DNAJC25: variants seen among roughly 807,000 people sequenced by gnomAD.
The protein encoded by DNAJC25 is DnaJ heat shock protein family (Hsp40) member C25.
Under a neutral mutation model 42.1 loss-of-function variants are expected in DNAJC25, and 26 were observed. That is an observed-to-expected ratio of 0.62 (90% CI 0.45 to 0.86). The LOEUF (loss-of-function observed/expected upper bound fraction) is 0.86. DNAJC25 is among the 40% of genes least tolerant of loss of function. The pLI, the probability that DNAJC25 is intolerant of heterozygous loss-of-function variation, is 0.00. For missense variants in DNAJC25, 404 were observed against 459.4 expected (o/e 0.88, Z 1.10); for synonymous variants, 189 against 179.9 (o/e 1.05, Z -0.40).
At chr9:111,648,972 T>C (rs891717125) in intron 2 of DNAJC25, among the ~76,000 whole-genome samples, 2 of 152,196 alleles carry the variant, frequency 1.3e-5, no homozygotes, top group South Asian at 2.1e-4. Flanking sequence ...TATATGCAGA[T>C]TGGCTTAGGA....
At chr9:111,634,495 G>A (rs923874531) in intron 1 of DNAJC25, among the ~76,000 whole-genome samples, 3 of 152,208 alleles carry the variant, frequency 2.0e-5, no homozygotes, top group African/African-American at 7.2e-5. Context: ...TGTAAAAAGG[G>A]TTTGTGAAGG....
rs573770681 is a variant in DNAJC25, at chr9:111,646,725, G to C, written c.337-382G>C. Among the ~76,000 whole-genome samples the C allele has an allele frequency of 2.6e-5, 4 of 152,142 alleles. No individual in the cohort carries two copies. The East Asian group carries it at 7.7e-4, about 29-fold the overall frequency. ...CAGAAAACTATCTATACAAGGCTGG[G>C]ACGTGATTGTGAATATATACAAGAA... On this transcript the variant is annotated intron_variant, in intron 1 of 3. Transcript: ENST00000313525.
At chr9:111,646,536 T>A (rs959827497) in intron 1 of DNAJC25, among the ~76,000 whole-genome samples, 2 of 152,214 alleles carry the variant, frequency 1.3e-5, no homozygotes, top group African/African-American at 4.8e-5. Flanking sequence ...TTAGCTCTTT[T>A]TGTGAATGAA....
In DNAJC25 at chr9:111,631,359, T is replaced by C. The variant is rs1487763689; in HGVS notation, c.-49T>C. 3.2e-6 allele frequency: 4 copies of C among 1,256,262 alleles called. No homozygotes were observed. The highest frequency in any genetic ancestry group is 4.0e-6 in the Non-Finnish European group (4 of 1,004,062). 77.8% of individuals were successfully genotyped at this position (1,256,262 alleles called of 1,614,324 possible). The stretch of plus-strand genomic sequence containing the variant: ...AGACGGGACTAGCCGGGCGCGCGGC[T>C]GAGTGCTGCAGAATCGCTGGGGTGG... On this transcript the variant is annotated 5_prime_UTR_variant, in exon 1 of 4. Coordinates refer to ENST00000313525, the MANE Select transcript of DNAJC25 (RefSeq NM_001015882.3).
intron 3 of DNAJC25, among the ~76,000 whole-genome samples, chr9:111,650,783 A>G (rs1358138932): frequency 6.6e-6 from 1 of 152,196 alleles, no homozygotes; most frequent in Non-Finnish European, 1.5e-5. Flanking sequence ...GGCATCAGCC[A>G]CTGCACCCAG....
chr9:111,646,683 C>T (rs4979018), intron 1 of DNAJC25, among the ~76,000 whole-genome samples: 17,440 of 151,984 alleles, frequency 0.11, 1,418 homozygotes, highest in African/African-American at 0.21. Flanking sequence ...CTGGCTTCAC[C>T]TAGTTTTTGC....
Position 111,653,290 on chromosome 9 carries a change from A to G in DNAJC25, c.*68A>G. The G allele has an allele frequency of 7.1e-7, 1 of 1,400,168 alleles. No individual in the cohort carries two copies. The highest frequency in any genetic ancestry group is 9.4e-7 in the Non-Finnish European group (1 of 1,066,346). 86.7% of individuals were successfully genotyped at this position (1,400,168 alleles called of 1,614,324 possible). ...TATTTTCATAACTGAATTATTTTAG[A>G]AATGTATCAATTGACTGCTGCTCAG... On this transcript the variant is annotated 3_prime_UTR_variant, in exon 4 of 4. Coordinates refer to ENST00000313525, the MANE Select transcript of DNAJC25 (RefSeq NM_001015882.3).
rs1461713019 is a variant in DNAJC25, at chr9:111,653,805, AT to A, written c.*585del. On this transcript the variant is annotated 3_prime_UTR_variant, in exon 4 of 4. Coordinates refer to ENST00000313525, the MANE Select transcript of DNAJC25 (RefSeq NM_001015882.3). ...CTGCTAGAATTTCTCCCCTCTATTC[AT>A]TATAATATTCTTTGTTTTTAAAGCC... 6.6e-6 allele frequency: 1 copy of A among 152,596 alleles called. No individual in the cohort carries two copies. The highest frequency in any genetic ancestry group is 2.4e-5 in the African/African-American group (1 of 41,446). The allele number at this position is 152,596 out of a possible 1,614,324, so 9.5% of individuals were successfully genotyped here. A position where few individuals can be genotyped will look rare whatever the true frequency, so the allele number is the denominator to read the frequency against.
rs532546536 is a variant in DNAJC25, at chr9:111,639,685, A to G, written c.337-7422A>G. On this transcript the variant is annotated intron_variant, in intron 1 of 3. Coordinates refer to ENST00000313525, the MANE Select transcript of DNAJC25 (RefSeq NM_001015882.3). The stretch of plus-strand genomic sequence containing the variant: ...TTTTTTGAAGGATCATTTCAAAAAA[A>G]TGTGTGTGTGTGTGTGTATGGGTGT... Among the ~76,000 whole-genome samples the G allele has an allele frequency of 1.3e-4, 20 of 149,820 alleles. 1 individual carries two copies. The South Asian group carries it at 3.6e-3, about 27-fold the overall frequency.
chr9:111,637,673 T>A (rs934164695), intron 1 of DNAJC25, among the ~76,000 whole-genome samples: 4 of 152,222 alleles, frequency 2.6e-5, no homozygotes, highest in African/African-American at 9.6e-5. Flanking sequence ...CAGCAGCACA[T>A]GTGTTGGAAC....
intron 2 of DNAJC25, 23 bp downstream of exon 2, chr9:111,647,282 A>G (rs753789461): frequency 1.2e-6 from 2 of 1,613,220 alleles, no homozygotes; most frequent in Non-Finnish European, 1.7e-6. Context: ...GGATATTTTT[A>G]TCTACATTTA....
rs1449418724 is a variant in DNAJC25, at chr9:111,631,626, C to G, written c.219C>G (p.Ala73=). 6.7e-7 allele frequency: 1 copy of G among 1,499,572 alleles called. No individual in the cohort carries two copies. The highest frequency in any genetic ancestry group is 2.2e-5 in the Admixed American group (1 of 45,710). 92.9% of individuals were successfully genotyped at this position (1,499,572 alleles called of 1,614,324 possible). A position where few individuals can be genotyped will look rare whatever the true frequency, so the allele number is the denominator to read the frequency against. ...AEIARAYRQL[A]RRYHPDRYRP... ...TCGCGCGGGCCTACCGCCAGCTGGC[C>G]CGGCGCTACCACCCTGACCGCTACC... The change falls in exon 1 of 4, where the codon GCC becomes GCG. Residue 73 remains alanine (A), a synonymous_variant. Transcript: ENST00000313525.
At chr9:111,637,067 A>C (rs1830373154) in intron 1 of DNAJC25, among the ~76,000 whole-genome samples, 1 of 152,368 alleles carries the variant, frequency 6.6e-6, no homozygotes, top group African/African-American at 2.4e-5. Context: ...AATACTAGCC[A>C]GAAACTGAGT....
intron 1 of DNAJC25, among the ~76,000 whole-genome samples, chr9:111,641,777 C>G (rs1246893600): frequency 1.5e-5 from 2 of 131,286 alleles, no homozygotes; most frequent in African/African-American, 6.0e-5. Flanking sequence ...CCCCTCTGCC[C>G]GGCCAGCCGC....
chr9:111,639,223 T>A (rs889069365), intron 1 of DNAJC25, among the ~76,000 whole-genome samples: 1 of 152,220 alleles, frequency 6.6e-6, no homozygotes, highest in Admixed American at 6.5e-5. Flanking sequence ...TCTTTTATTC[T>A]CTTTTTGTGC....
rs1830622514 is a variant in DNAJC25, at chr9:111,649,790, A to C, written c.827A>C (p.Glu276Ala). The change falls in exon 3 of 4, where the codon GAA becomes GCA. Residue 276 changes from glutamate (E) to alanine (A), a missense_variant. Physicochemically the swap from Glu to Ala is moderately radical, Grantham distance 107. Transcript: ENST00000313525. ...WIYNFNIKGK[E>A]YGEEERLYII... The stretch of plus-strand genomic sequence containing the variant: ...TATAATTTTAACATCAAAGGCAAAG[A>C]ATATGGAGAGGAAGAGAGATTATAC... The C allele has an allele frequency of 6.2e-7, 1 of 1,614,028 alleles. No homozygotes were observed. Among genetic ancestry groups the C allele is most frequent in the Non-Finnish European group, 8.5e-7 (1 of 1,179,974 alleles).
chr9:111,647,968 G>A (rs1004869136), intron 2 of DNAJC25, among the ~76,000 whole-genome samples: 1 of 152,050 alleles, frequency 6.6e-6, no homozygotes, highest in Non-Finnish European at 1.5e-5. Flanking sequence ...TAGTAGAGAC[G>A]GGGTTTCACC....
rs750539367 is a variant in DNAJC25, at chr9:111,653,215, A to G, written c.1076A>G (p.Asp359Gly). The G allele has an allele frequency of 6.4e-7, 1 of 1,572,270 alleles. No individual in the cohort carries two copies. The highest frequency in any genetic ancestry group is 8.6e-7 in the Non-Finnish European group (1 of 1,158,652). ...GGGCCTGGGCGGTTAACATTTGTGG[A>G]TGACTGAAGATTGATGGAATGCTAC... ...NEGPGRLTFV[D>G]D Residue 359 changes from aspartate (D) to glycine (G), a missense_variant, in exon 4 of 4, where the codon GAT becomes GGT. By Grantham distance (94) the Asp-to-Gly change is moderately conservative. Coordinates refer to ENST00000313525, the MANE Select transcript of DNAJC25 (RefSeq NM_001015882.3).
At chr9:111,639,693 G>A (rs1830415872) in intron 1 of DNAJC25, among the ~76,000 whole-genome samples, 1 of 149,852 alleles carries the variant, frequency 6.7e-6, no homozygotes, top group Non-Finnish European at 1.5e-5. Flanking sequence ...AAATGTGTGT[G>A]TGTGTGTGTA....
Sources: allele counts gnomAD v4.1 joint callset (sites outside exome capture counted in the v4.1 genomes callset), GRCh38; gene constraint gnomAD v4.1.1; transcripts MANE v1.5; gene names NCBI Gene and HGNC (gene_info 2026-07-23, HGNC 2026-07-21).